GTF2E2: variants seen among roughly 807,000 people sequenced by gnomAD.
GTF2E2 encodes the protein transcription initiation factor IIE subunit beta.
Under a neutral mutation model 40.5 loss-of-function variants are expected in GTF2E2, and 21 were observed. The observed-to-expected ratio is 0.52, with a 90% CI of 0.37 to 0.75. The LOEUF (loss-of-function observed/expected upper bound fraction) is 0.75, where lower values mean the gene tolerates loss of function less well. GTF2E2 is among the 30% of genes least tolerant of loss of function. GTF2E2 has a pLI of 0.00. For missense variants in GTF2E2, 298 were observed against 338.4 expected, an observed-to-expected ratio of 0.88 and a Z score of 0.94; for synonymous variants, 117 against 121.6, an observed-to-expected ratio of 0.96 and a Z score of 0.25.
At chr8:30,587,827 G>A (rs937186518) in intron 6 of GTF2E2, among the ~76,000 whole-genome samples, 6 of 131,720 alleles carry the variant, frequency 4.6e-5, no homozygotes, top group African/African-American at 5.9e-5. Context: ...AGCCAAGACC[G>A]CACCACTGCA....
chr8:30,593,684 C>T (rs577158601), intron 6 of GTF2E2, among the ~76,000 whole-genome samples: 73 of 152,106 alleles, frequency 4.8e-4, no homozygotes, highest in African/African-American at 1.6e-3. Context: ...TTTGTAGAGA[C>T]GAGGTTTCGC....
chr8:30,612,315 G>C lies in GTF2E2; in HGVS notation c.533C>G (p.Ser178Cys). ...AGAGATTACCTTGACAGCTTTCTGG[G>C]AATTGGGCAGTGCTTCTTCTATGTC... is the stretch of plus-strand genomic sequence containing the variant. Reference protein sequence around the residue: ...LEDIEEALPNSQKAVKALGDQ... With the variant: ...LEDIEEALPNCQKAVKALGDQ... Residue 178 changes from serine to cysteine, a missense_variant, in exon 5 of 8, where the codon TCC becomes TGC. By Grantham distance (112) the Ser-to-Cys change is moderately radical. Coordinates refer to ENST00000355904, the MANE Select transcript of GTF2E2 (RefSeq NM_002095.6). 1 of 1,606,390 alleles carries C rather than the reference G, an allele frequency of 6.2e-7. No individual in the cohort carries two copies. The highest frequency in any genetic ancestry group is 1.7e-5 in the Admixed American group (1 of 59,780).
At chr8:30,637,405 C>A in intron 2 of GTF2E2, 1 of 406,432 alleles carries the variant, frequency 2.5e-6, no homozygotes, top group South Asian at 1.8e-5. Flanking sequence ...CAATGTCAAG[C>A]TTAGTAAACA....
intron 2 of GTF2E2, among the ~76,000 whole-genome samples, chr8:30,646,374 T>A (rs577844753): frequency 4.2e-5 from 6 of 143,122 alleles, no homozygotes; most frequent in Non-Finnish European, 6.1e-5. Flanking sequence ...CCAAAAAAGG[T>A]CAAAAGATAG....
chr8:30,656,088 A>G (rs1427114370), intron 1 of GTF2E2, among the ~76,000 whole-genome samples: 2 of 152,262 alleles, frequency 1.3e-5, no homozygotes, highest in East Asian at 3.9e-4. Context: ...TGCTTAGATT[A>G]CAGGCGTGAG....
intron 6 of GTF2E2, among the ~76,000 whole-genome samples, chr8:30,602,022 T>C (rs948248753): frequency 0.011 from 96 of 9,138 alleles, no homozygotes; most frequent in African/African-American, 0.047. Flanking sequence ...TTTTTAATCT[T>C]TTTTTTTTTT....
chr8:30,629,729 C>T (rs1801386471), intron 3 of GTF2E2, among the ~76,000 whole-genome samples: 1 of 149,476 alleles, frequency 6.7e-6, no homozygotes, highest in South Asian at 2.1e-4. Flanking sequence ...GCTATACTCC[C>T]AGAGTTTCAA....
chr8:30,602,365 A>T (rs1054921171), intron 6 of GTF2E2, among the ~76,000 whole-genome samples: 1 of 152,210 alleles, frequency 6.6e-6, no homozygotes, highest in Non-Finnish European at 1.5e-5. Flanking sequence ...GAATAAAAAT[A>T]TATTTTCATT....
Position 30,578,912 on chromosome 8 carries a change from A to T in GTF2E2, c.*9T>A. ...TATCTGTAACTCTGTTCCAGGGCAAAACTGTTCCCTATTTGCTGGAAGTAA... is the reference window on the plus strand; with the variant it reads ...TATCTGTAACTCTGTTCCAGGGCAATACTGTTCCCTATTTGCTGGAAGTAA... On this transcript the variant is annotated 3_prime_UTR_variant, in exon 8 of 8. Transcript: ENST00000355904. The T allele has an allele frequency of 1.5e-6, 2 of 1,356,452 alleles. No homozygotes were observed. Among genetic ancestry groups the T allele is most frequent in the Non-Finnish European group, 2.1e-6 (2 of 944,556 alleles). 84.0% of individuals were successfully genotyped at this position (1,356,452 alleles called of 1,614,324 possible).
chr8:30,596,025 T>C (rs1170315786), intron 6 of GTF2E2, among the ~76,000 whole-genome samples: 1 of 152,236 alleles, frequency 6.6e-6, no homozygotes, highest in East Asian at 1.9e-4. Context: ...CATTCTTTTT[T>C]TCCTCTGGAA....
At chr8:30,582,104 T>A (rs1463180818) in intron 6 of GTF2E2, among the ~76,000 whole-genome samples, 7 of 152,164 alleles carry the variant, frequency 4.6e-5, no homozygotes, top group Non-Finnish European at 8.8e-5. Flanking sequence ...CTCCACCTCC[T>A]GGGCTTAAGC....
At chr8:30,613,189 G>C (rs1223159007) in intron 4 of GTF2E2, among the ~76,000 whole-genome samples, 2 of 152,166 alleles carry the variant, frequency 1.3e-5, no homozygotes, top group African/African-American at 4.8e-5. Flanking sequence ...GCAAAGTACA[G>C]CTTATCACAT....
intron 3 of GTF2E2, among the ~76,000 whole-genome samples, chr8:30,629,265 G>A (rs1307675953): frequency 1.3e-5 from 2 of 152,116 alleles, no homozygotes; most frequent in Non-Finnish European, 2.9e-5. Flanking sequence ...CCAGAACTGT[G>A]TCTATGAGCC....
intron 2 of GTF2E2, among the ~76,000 whole-genome samples, chr8:30,649,985 A>G (rs1281920230): frequency 6.6e-6 from 1 of 152,240 alleles, no homozygotes; most frequent in East Asian, 1.9e-4. Flanking sequence ...GGAAAGCTGA[A>G]GCCCAAATGG....
At chr8:30,621,715 C>A (rs780522232) in intron 3 of GTF2E2, among the ~76,000 whole-genome samples, 1 of 152,004 alleles carries the variant, frequency 6.6e-6, no homozygotes, top group Admixed American at 6.5e-5. Context: ...ACTGAATATA[C>A]CTATTAATTC....
intron 6 of GTF2E2, among the ~76,000 whole-genome samples, chr8:30,599,473 G>C (rs1829109284): frequency 6.6e-6 from 1 of 151,874 alleles, no homozygotes; most frequent in Non-Finnish European, 1.5e-5. Flanking sequence ...CAGCTACTCG[G>C]GAGTCTGAGA....
At position 30,637,149 on chromosome 8, in the gene GTF2E2, C is replaced by T. The variant is rs75717892; in HGVS notation, c.167-2026G>A. ...AACCCTGTAATAAACAGCCTTTACA[C>T]AGATTATTCCATCTGAAACTGGCCA... On this transcript the variant is annotated intron_variant, in intron 2 of 7. Transcript: ENST00000355904. 4 of 448,454 alleles carry T rather than the reference C, an allele frequency of 8.9e-6. No individual in the cohort carries two copies. In the East Asian group the frequency reaches 2.8e-4, roughly 31 times the overall value. The allele number at this position is 448,454 out of a possible 1,614,324, so 27.8% of individuals were successfully genotyped here. A position where few individuals can be genotyped will look rare whatever the true frequency, so the allele number is the denominator to read the frequency against.
At chr8:30,627,448 C>T (rs906071950) in intron 3 of GTF2E2, among the ~76,000 whole-genome samples, 2 of 64,778 alleles carry the variant, frequency 3.1e-5, no homozygotes, top group African/African-American at 1.3e-4. Context: ...ACCTCTCTTG[C>T]AAAAAAAAAA....
chr8:30,629,855 A>G (rs895095642), intron 3 of GTF2E2, among the ~76,000 whole-genome samples: 3 of 152,152 alleles, frequency 2.0e-5, no homozygotes, highest in Non-Finnish European at 4.4e-5. Context: ...GAATAAGCCA[A>G]ATTAACCCAG....
Sources: allele counts gnomAD v4.1 joint callset (sites outside exome capture counted in the v4.1 genomes callset), GRCh38; gene constraint gnomAD v4.1.1; transcripts MANE v1.5; gene names NCBI Gene and HGNC (gene_info 2026-07-23, HGNC 2026-07-21).